DNAH11: variants seen among roughly 807,000 people sequenced by gnomAD.
DNAH11 encodes the protein axonemal beta dynein heavy chain 11.
DNAH11 carries 442 observed loss-of-function variants against 526.0 expected under a neutral mutation model. That is an observed-to-expected ratio of 0.84 (90% CI 0.78 to 0.91). DNAH11 has a LOEUF of 0.91. Among genes scored for constraint, DNAH11 ranks in the 40% least tolerant of loss-of-function variants. The probability of loss-of-function intolerance (pLI) is 0.00; values close to 1 mark genes in which losing one functional copy is unlikely to be tolerated. For synonymous variants in DNAH11, 2,461 were observed against 1,935.9 expected (o/e 1.27, Z -7.12); for missense variants, 6,989 against 5,448.7 (o/e 1.28, Z -8.90).
At chr7:21,841,296 T>TTA (rs1275572416) in intron 65 of DNAH11, among the ~76,000 whole-genome samples, 1 of 152,186 alleles carries the variant, frequency 6.6e-6, no homozygotes, top group East Asian at 1.9e-4. Context: ...TTAAGATGCA[T>TTA]TATACATATA....
At chr7:21,759,910 C>T (rs1182325279) in intron 54 of DNAH11, among the ~76,000 whole-genome samples, 1 of 152,178 alleles carries the variant, frequency 6.6e-6, no homozygotes, top group Admixed American at 6.5e-5. Context: ...GGTATGAATT[C>T]CAAAAGCAAG....
rs374444407 is a variant in DNAH11 at position 21,765,626 on chromosome 7, A to T, written c.9102+37A>T. On this transcript the variant is annotated intron_variant, in intron 55 of 81. Transcript: ENST00000409508. ...CAGCCTGCGTCACACACACACACAC[A>T]CACACACACACACACACACACACAC... 39 of 901,006 alleles carry T rather than the reference A, an allele frequency of 4.3e-5. No homozygotes were observed. The African/African-American group carries it at 1.0e-3, about 23-fold the overall frequency. The allele number at this position is 901,006 out of a possible 1,614,324, so 55.8% of individuals were successfully genotyped here.
chr7:21,605,069 T>C (rs1195439326), intron 18 of DNAH11, among the ~76,000 whole-genome samples: 2 of 152,310 alleles, frequency 1.3e-5, no homozygotes, highest in African/African-American at 2.4e-5. Context: ...AGAATAGTTA[T>C]TGTGTGTGCC....
intron 5 of DNAH11, among the ~76,000 whole-genome samples, chr7:21,563,945 A>T (rs948121660): frequency 5.3e-5 from 8 of 152,132 alleles, no homozygotes; most frequent in Non-Finnish European, 8.8e-5. Context: ...ATCACAATTT[A>T]TTTATGCTAT....
In DNAH11 at chr7:21,543,711, T is replaced by C. The variant is rs2285946; in HGVS notation, c.351+115T>C. The C allele has an allele frequency of 0.47, 555,543 of 1,181,354 alleles. 134,002 individuals carry two copies. The highest frequency in any genetic ancestry group is 0.53 in the Middle Eastern group (2,270 of 4,248). 73.2% of individuals were successfully genotyped at this position (1,181,354 alleles called of 1,614,324 possible). ...CGCTCACTCGGGCACTTTAACAAAC[T>C]TGGCTTGAAGTCCCCATCCTGAGGC... On this transcript the variant is annotated intron_variant, in intron 1 of 81. Transcript: ENST00000409508.
intron 53 of DNAH11, 74 bp from the exon 54 acceptor site, chr7:21,750,148 C>G (rs1225772646): frequency 4.8e-6 from 7 of 1,465,384 alleles, no homozygotes; most frequent in African/African-American, 2.9e-5. Flanking sequence ...TAAAACATTT[C>G]AAACGTTTAA....
intron 31 of DNAH11, among the ~76,000 whole-genome samples, chr7:21,682,525 CAAAAAAAAA>C (rs60337481): frequency 5.2e-5 from 5 of 96,056 alleles, no homozygotes; most frequent in Admixed American, 1.2e-4. Flanking sequence ...GACTCCATCT[CAAAAAAAAA>C]AAAAAAAAAA....
intron 57 of DNAH11, among the ~76,000 whole-genome samples, chr7:21,783,594 C>A (rs1340510956): frequency 6.6e-6 from 1 of 152,168 alleles, no homozygotes; most frequent in African/African-American, 2.4e-5. Flanking sequence ...CTCTTCCTGG[C>A]CTTTCAGATT....
chr7:21,870,950 C>T (rs955337991), intron 73 of DNAH11, among the ~76,000 whole-genome samples: 4 of 152,096 alleles, frequency 2.6e-5, no homozygotes, highest in African/African-American at 9.7e-5. Flanking sequence ...ATTTGATCAG[C>T]AGGAAAAAGA....
Position 21,880,084 on chromosome 7 carries a change from C to CAA in DNAH11, c.12196-602_12196-601dup, listed in dbSNP as rs57931095. 6.9e-3 allele frequency among the ~76,000 whole-genome samples: 647 copies of CAA among 93,716 alleles called. 7 individuals carry two copies. Among genetic ancestry groups the CAA allele is most frequent in the African/African-American group, 0.023 (607 of 26,190 alleles). The allele number at this position is 93,716 out of a possible 152,430, so 61.5% of individuals were successfully genotyped here. On this transcript the variant is annotated intron_variant, in intron 74 of 81. Coordinates refer to ENST00000409508, the MANE Select transcript of DNAH11 (RefSeq NM_001277115.2). ...TGGGTGACAGAGCAAGACTCCGTCT[C>CAA]AAAAAAAAAAAAAAAAAGAAAGAAA...
chr7:21,753,155 G>C (rs536128386), intron 54 of DNAH11, among the ~76,000 whole-genome samples: 5 of 152,124 alleles, frequency 3.3e-5, no homozygotes, highest in Non-Finnish European at 5.9e-5. Context: ...TTTCCCTTCT[G>C]CCTGCTTTCA....
At chr7:21,862,655 TA>T (rs1783109771) in intron 69 of DNAH11, among the ~76,000 whole-genome samples, 1 of 152,310 alleles carries the variant, frequency 6.6e-6, no homozygotes, top group South Asian at 2.1e-4. Context: ...ATTTGTCAAT[TA>T]AAATTAAGAA....
intron 9 of DNAH11, among the ~76,000 whole-genome samples, chr7:21,587,797 A>T (rs536222738): frequency 1.2e-4 from 18 of 152,314 alleles, no homozygotes; most frequent in African/African-American, 4.3e-4. Flanking sequence ...CCAACAGGAA[A>T]TAATATTAGC....
intron 76 of DNAH11, among the ~76,000 whole-genome samples, chr7:21,885,025 A>AT (rs553090276): frequency 6.6e-5 from 10 of 151,918 alleles, no homozygotes; most frequent in Non-Finnish European, 1.2e-4. Flanking sequence ...GTATCAAAAC[A>AT]TCACACTGTG....
At chr7:21,624,418 A>G (rs1211170751) in intron 25 of DNAH11, among the ~76,000 whole-genome samples, 4 of 152,204 alleles carry the variant, frequency 2.6e-5, no homozygotes. Flanking sequence ...TGTACCTTAC[A>G]AGTTTGCTTT....
chr7:21,809,615 G>A (rs1246029385), intron 63 of DNAH11, among the ~76,000 whole-genome samples: 1 of 151,974 alleles, frequency 6.6e-6, no homozygotes, highest in Non-Finnish European at 1.5e-5. Flanking sequence ...CCAGGCTGGA[G>A]TGCAATGGTT....
chr7:21,759,447 G>T (rs777899086), intron 54 of DNAH11, among the ~76,000 whole-genome samples: 5 of 152,264 alleles, frequency 3.3e-5, no homozygotes, highest in Non-Finnish European at 7.4e-5. Flanking sequence ...AATTAGATGG[G>T]GTGGTAATAC....
At chr7:21,831,091 C>T (rs1473986440) in intron 65 of DNAH11, among the ~76,000 whole-genome samples, 1 of 152,160 alleles carries the variant, frequency 6.6e-6, no homozygotes, top group African/African-American at 2.4e-5. Flanking sequence ...TAATTTGTTC[C>T]TGTGGGGAGT....
chr7:21,791,677 C>T (rs184856035), intron 61 of DNAH11, among the ~76,000 whole-genome samples: 1 of 152,212 alleles, frequency 6.6e-6, no homozygotes, highest in Admixed American at 6.5e-5. Context: ...TCCATCATTC[C>T]CACCTATGAT....
Sources: gnomAD v4.1 joint callset for allele counts (sites outside exome capture counted in the v4.1 genomes callset) on GRCh38, gnomAD v4.1.1 for gene constraint, MANE v1.5 for transcripts, NCBI Gene and HGNC (gene_info 2026-07-23, HGNC 2026-07-21) for gene names.